Variants in MYT1L observed in about 807,000 individuals in gnomAD.
The protein encoded by MYT1L is myelin transcription factor 1-like protein.
In MYT1L, 12 loss-of-function variants were observed where a neutral mutation model predicts 126.7. The observed-to-expected ratio is 0.09, with a 90% CI of 0.06 to 0.15. MYT1L has a LOEUF of 0.15. Among genes scored for constraint, MYT1L ranks in the 10% least tolerant of loss-of-function variants. The pLI is 1.00. For missense variants in MYT1L, 979 were observed against 1,585.2 expected, an observed-to-expected ratio of 0.62 and a Z score of 6.49; for synonymous variants, 541 against 604.2, an observed-to-expected ratio of 0.90 and a Z score of 1.53.
chr2:2,246,689 A>C (rs1281480524), intron 2 of MYT1L, among the ~76,000 whole-genome samples: 2 of 152,202 alleles, frequency 1.3e-5, no homozygotes, highest in Non-Finnish European at 2.9e-5. Flanking sequence ...ATCCAGAAGA[A>C]GGCATGTGAT....
intron 1 of MYT1L, among the ~76,000 whole-genome samples, chr2:2,315,682 G>A (rs2096054720): frequency 6.6e-6 from 1 of 151,502 alleles, no homozygotes; most frequent in African/African-American, 2.4e-5. Context: ...AGAGAGTATG[G>A]GTCCTTGGCA....
chr2:1,825,258 T>TG (rs1299992035), intron 21 of MYT1L: 1 of 152,218 alleles, frequency 6.6e-6, no homozygotes, highest in East Asian at 1.9e-4. Context: ...CCCCAGGAGC[T>TG]GCCACCTGCC....
intron 3 of MYT1L, among the ~76,000 whole-genome samples, chr2:2,062,367 A>G (rs2150160418): frequency 6.6e-6 from 1 of 152,240 alleles, no homozygotes; most frequent in Admixed American, 6.5e-5. Flanking sequence ...TTAGGTATCA[A>G]TTTGGTGTTC....
chr2:2,108,300 C>T lies in MYT1L; in HGVS notation c.-303-54177G>A, dbSNP rs73911361. Among the ~76,000 whole-genome samples the T allele has an allele frequency of 5.7e-3, 869 of 152,300 alleles. 9 individuals carry two copies. The highest frequency in any genetic ancestry group is 0.02 in the African/African-American group (850 of 41,564). On this transcript the variant is annotated intron_variant, in intron 3 of 24. Transcript: ENST00000647738. ...TGCGTATGCTTTCATTCCTCCTGAA[C>T]ATGGATCCGATGAGTTCTTAGGAAT...
intron 4 of MYT1L, among the ~76,000 whole-genome samples, chr2:2,004,256 GGCGTTCTTTCCT>G (rs1558697624): frequency 0.033 from 2,459 of 73,520 alleles, 141 homozygotes; most frequent in East Asian, 0.061. Flanking sequence ...CTTTCCTGCA[GGCGTTCTTTCCT>G]GCAGGCGTTC....
chr2:1,914,128 C>G (rs1167612802), intron 11 of MYT1L, among the ~76,000 whole-genome samples: 1 of 152,044 alleles, frequency 6.6e-6, no homozygotes, highest in South Asian at 2.1e-4. Flanking sequence ...GTGGCATGCA[C>G]CTGTAATCCC....
intron 14 of MYT1L, among the ~76,000 whole-genome samples, chr2:1,895,163 G>A (rs1197753563): frequency 2.1e-4 from 32 of 152,178 alleles, no homozygotes; most frequent in Non-Finnish European, 1.3e-4. Flanking sequence ...GGTGAACAAT[G>A]TCCACAAGGA....
chr2:1,951,055 C>A (rs1047900388), intron 8 of MYT1L, among the ~76,000 whole-genome samples: 9 of 152,188 alleles, frequency 5.9e-5, no homozygotes, highest in African/African-American at 2.2e-4. Context: ...ACGGGAGACT[C>A]AGGTCTTTGC....
chr2:1,798,198 CTCCGGCACAGGCGCGGCGGTCTCCCTCCA>C lies in MYT1L; in HGVS notation c.3276+3469_3276+3497del, dbSNP rs1558585611. ...GCACAGGCGCGGCGGTCTCCCTCTT[CTCCGGCACAGGCGCGGCGGTCTCCCTCCA>C]TCCGGCACAGGCGCGGCGGTCTCCC... On this transcript the variant is annotated intron_variant, in intron 23 of 24. Transcript: ENST00000647738. Among the ~76,000 whole-genome samples, 69 of 27,592 alleles carry C rather than the reference CTCCGGCACAGGCGCGGCGGTCTCCCTCCA, an allele frequency of 2.5e-3. 1 individual carries two copies. Among genetic ancestry groups the C allele is most frequent in the African/African-American group, 8.1e-3 (67 of 8,244 alleles). 18.1% of individuals were successfully genotyped at this position (27,592 alleles called of 152,430 possible). A position where few individuals can be genotyped will look rare whatever the true frequency, so the allele number is the denominator to read the frequency against.
chr2:2,120,419 C>G (rs2080833681), intron 3 of MYT1L, among the ~76,000 whole-genome samples: 1 of 152,022 alleles, frequency 6.6e-6, no homozygotes, highest in Non-Finnish European at 1.5e-5. Flanking sequence ...ATAGTACTTA[C>G]CTCTCTGCTT....
intron 2 of MYT1L, among the ~76,000 whole-genome samples, chr2:2,272,043 C>T (rs936922231): frequency 5.9e-5 from 9 of 152,226 alleles, no homozygotes; most frequent in East Asian, 3.8e-4. Context: ...GGCGAGGCCT[C>T]GCCCCACCCA....
At chr2:1,827,500 T>C (rs2039520250) in intron 21 of MYT1L, 2 of 152,160 alleles carry the variant, frequency 1.3e-5, no homozygotes, top group South Asian at 4.2e-4. Context: ...AGGGGACCTC[T>C]CTGGTTGGGA....
Position 1,889,327 on chromosome 2 carries a change from C to T in MYT1L, c.2434G>A (p.Gly812Ser), listed in dbSNP as rs1558287297. 1 of 1,613,862 alleles carries T rather than the reference C, an allele frequency of 6.2e-7. No homozygotes were observed. The highest frequency in any genetic ancestry group is 1.7e-5 in the Admixed American group (1 of 60,014). Residue 812 changes from glycine (G) to serine (S), a missense_variant, in exon 16 of 25, where the codon GGC becomes AGC. Around this residue, in one of 12 missense-constraint regions of MYT1L, gnomAD observed 141 missense variants for 170.6 expected, o/e 0.83. Transcript: ENST00000647738. This position sits in a 1 kb window ranked among gnomAD's most constrained non-coding sequence, Gnocchi z 4.1. ...GGCAAGTCCCAGCAGTCGCCCTCGC[C>T]CAGCTGGAAACACCGGTTGTTCATC... is the stretch of plus-strand genomic sequence containing the variant. Reference protein sequence around the residue: ...AVMNNRCFQLGEGDCWDLPVD... With the variant: ...AVMNNRCFQLSEGDCWDLPVD...
chr2:2,290,833 G>A lies in MYT1L; in HGVS notation c.-520-6330C>T, dbSNP rs950543792. Among the ~76,000 whole-genome samples, 5 of 152,252 alleles carry A rather than the reference G, an allele frequency of 3.3e-5. No individual in the cohort carries two copies. The South Asian group carries it at 6.2e-4, about 19-fold the overall frequency. ...TAAGGTCCCCTGGTGATCCTGATGT[G>A]TGGCCAGGGCTAAGAAACACTGGCT... On this transcript the variant is annotated intron_variant, in intron 1 of 24. Transcript: ENST00000647738.
intron 1 of MYT1L, among the ~76,000 whole-genome samples, chr2:2,289,837 C>T (rs2095573252): frequency 6.6e-6 from 1 of 152,210 alleles, no homozygotes; most frequent in South Asian, 2.1e-4. Context: ...TAGCCACAGT[C>T]ATAAATCCCC....
chr2:2,153,934 G>A (rs1170008656), intron 3 of MYT1L, among the ~76,000 whole-genome samples: 2 of 152,174 alleles, frequency 1.3e-5, no homozygotes, highest in Non-Finnish European at 2.9e-5. Flanking sequence ...TGATGAGGCT[G>A]CTGGTGGACT....
At chr2:2,244,192 T>C (rs566001715) in intron 2 of MYT1L, among the ~76,000 whole-genome samples, 45 of 152,238 alleles carry the variant, frequency 3.0e-4, no homozygotes, top group Admixed American at 1.6e-3. Context: ...TCTGGGAAAA[T>C]GCTGACCGGT....
At chr2:2,196,975 G>C (rs2092825681) in intron 2 of MYT1L, among the ~76,000 whole-genome samples, 1 of 151,950 alleles carries the variant, frequency 6.6e-6, no homozygotes, top group African/African-American at 2.4e-5. Context: ...GAAATGTAAG[G>C]ACACAAAAAG....
intron 2 of MYT1L, among the ~76,000 whole-genome samples, chr2:2,196,912 A>G (rs535171843): frequency 3.5e-4 from 53 of 152,248 alleles, no homozygotes; most frequent in African/African-American, 1.2e-3. Flanking sequence ...AAAGATTATC[A>G]CACCAGATTA....
Sources: gnomAD v4.1 joint callset for allele counts (sites outside exome capture counted in the v4.1 genomes callset) on GRCh38, gnomAD v4.1.1 for gene constraint, gnomAD v4.1.1 regional missense constraint, Gnocchi (gnomAD v3.1) non-coding constraint, MANE v1.5 for transcripts, NCBI Gene and HGNC (gene_info 2026-07-23, HGNC 2026-07-21) for gene names.